The following ATXN10 variants were observed in gnomAD, a reference collection of about 807,000 sequenced individuals.
ATXN10 encodes the protein ataxin-10.
In ATXN10, 28 loss-of-function variants were observed where a neutral mutation model predicts 52.9. The ratio of observed to expected loss-of-function variants is 0.53; its 90% CI spans 0.39 to 0.73. The LOEUF is 0.73. Ranked by LOEUF, ATXN10 falls within the 30% of genes least tolerant of loss-of-function variation. The pLI is 0.00. For missense variants in ATXN10, 565 were observed against 577.0 expected (o/e 0.98, Z 0.21); for synonymous variants, 226 against 221.5 (o/e 1.02, Z -0.18).
intron 3 of ATXN10, among the ~76,000 whole-genome samples, chr22:45,698,428 T>G (rs2146749447): frequency 6.6e-6 from 1 of 152,344 alleles, no homozygotes; most frequent in South Asian, 2.1e-4. Context: ...GAAATGTCTA[T>G]TTGAGTCCTT....
At chr22:45,765,330 C>G (rs1190977695) in intron 9 of ATXN10, among the ~76,000 whole-genome samples, 2 of 152,118 alleles carry the variant, frequency 1.3e-5, no homozygotes, top group African/African-American at 4.8e-5. Context: ...AAGAGGGAGA[C>G]AGTACTAGGG....
chr22:45,674,889 G>A (rs1922621172), intron 1 of ATXN10: 1 of 152,328 alleles, frequency 6.6e-6, no homozygotes, highest in Non-Finnish European at 1.5e-5. Context: ...ACAAACTTCT[G>A]TCAGTGGTAG....
chr22:45,743,926 C>G (rs2146807036), intron 9 of ATXN10, among the ~76,000 whole-genome samples: 1 of 152,152 alleles, frequency 6.6e-6, no homozygotes, highest in Non-Finnish European at 1.5e-5. Flanking sequence ...TGAGAACTTG[C>G]CAAAAGGTTG....
chr22:45,716,858 G>C (rs762955039), intron 5 of ATXN10, among the ~76,000 whole-genome samples: 28 of 152,144 alleles, frequency 1.8e-4, no homozygotes, highest in Non-Finnish European at 3.4e-4. Flanking sequence ...AAAAGAAAGA[G>C]AGCACTAATT....
chr22:45,815,698 G>C (rs1482834280), intron 10 of ATXN10, among the ~76,000 whole-genome samples: 2 of 150,744 alleles, frequency 1.3e-5, no homozygotes, highest in East Asian at 2.0e-4. Context: ...TAAAGCTCTT[G>C]AGAGTTAAAG....
chr22:45,672,194 CG>C lies in ATXN10; in HGVS notation c.116+21del, dbSNP rs745800911. ...CAGCGGAACCGGTAACGGGTCCGGCCGGGGGGCTGCCCCGGGCAGGGGAGGG... is the reference window on the plus strand; with the variant it reads ...CAGCGGAACCGGTAACGGGTCCGGCCGGGGGCTGCCCCGGGCAGGGGAGGG... On this transcript the variant is annotated intron_variant, in intron 1 of 11. Transcript: ENST00000252934. 6.6e-6 allele frequency: 10 copies of C among 1,523,226 alleles called. No homozygotes were observed. Among genetic ancestry groups the C allele is most frequent in the African/African-American group, 4.2e-5 (3 of 71,274 alleles). 94.4% of individuals were successfully genotyped at this position (1,523,226 alleles called of 1,614,324 possible). A position where few individuals can be genotyped will look rare whatever the true frequency, so the allele number is the denominator to read the frequency against.
At chr22:45,803,542 G>C (rs1480206588) in intron 9 of ATXN10, among the ~76,000 whole-genome samples, 3 of 152,132 alleles carry the variant, frequency 2.0e-5, no homozygotes, top group Admixed American at 6.6e-5. Context: ...GTTCCAGAAG[G>C]GTTTGGATCA....
rs1398861511 is a variant in ATXN10 at position 45,705,135 on chromosome 22, C to T, written c.647+2288C>T. Among the ~76,000 whole-genome samples the T allele has an allele frequency of 2.0e-5, 3 of 151,832 alleles. No individual in the cohort carries two copies. Among genetic ancestry groups the T allele is most frequent in the Admixed American group, 2.0e-4 (3 of 15,260 alleles). On this transcript the variant is annotated intron_variant, in intron 5 of 11. Coordinates refer to ENST00000252934, the MANE Select transcript of ATXN10 (RefSeq NM_013236.4). The surrounding 1 kb of genome is among the most constrained non-coding windows in gnomAD (Gnocchi z 5.2). ...TCCTACTTGTTCATAGTGTATAATC[C>T]TTTTTATATGTTGCTGGATTCGGTT...
In ATXN10 at chr22:45,767,714, A is replaced by G. The variant is rs961339972; in HGVS notation, c.1173+27176A>G. Among the ~76,000 whole-genome samples the G allele has an allele frequency of 1.3e-4, 20 of 152,336 alleles. 2 individuals carry two copies. Among genetic ancestry groups the G allele is most frequent in the Admixed American group, 1.0e-3 (16 of 15,306 alleles). On this transcript the variant is annotated intron_variant, in intron 9 of 11. Transcript: ENST00000252934. ...AGGGAGAGGGTTGGAGGAAGGAAGAAGGAGAAAAGGAAGGAAGGAATCTAT... is the reference window on the plus strand; with the variant it reads ...AGGGAGAGGGTTGGAGGAAGGAAGAGGGAGAAAAGGAAGGAAGGAATCTAT...
intron 7 of ATXN10, 74 bp from the exon 8 acceptor site, chr22:45,738,657 C>A: frequency 1.7e-6 from 2 of 1,207,370 alleles, no homozygotes; most frequent in South Asian, 2.5e-5. Flanking sequence ...ATTTTATTCT[C>A]TTACAGTTAT....
rs1928876816 is a variant in ATXN10, at chr22:45,828,181, T to A, written c.1238-14810T>A. Among the ~76,000 whole-genome samples the A allele has an allele frequency of 6.7e-6, 1 of 150,106 alleles. No individual in the cohort carries two copies. Among genetic ancestry groups the A allele is most frequent in the Non-Finnish European group, 1.5e-5 (1 of 67,742 alleles). The stretch of plus-strand genomic sequence containing the variant: ...GCCTGGGCAACATGGTGAAGCCCCA[T>A]CTCTATTAAAAACTTTAAAAAAGAA... On this transcript the variant is annotated intron_variant, in intron 10 of 11. Transcript: ENST00000252934. This position sits in a 1 kb window ranked among gnomAD's most constrained non-coding sequence, Gnocchi z 4.5.
intron 9 of ATXN10, among the ~76,000 whole-genome samples, chr22:45,777,822 G>C (rs975848749): frequency 2.0e-5 from 3 of 152,238 alleles, no homozygotes; most frequent in African/African-American, 7.2e-5. Flanking sequence ...TTGAGATTCT[G>C]CTTTATAGCC....
At position 45,837,961 on chromosome 22, in the gene ATXN10, A is replaced by G. The variant is rs1017162244; in HGVS notation, c.1238-5030A>G. 3.3e-5 allele frequency among the ~76,000 whole-genome samples: 5 copies of G among 152,250 alleles called. No individual in the cohort carries two copies. The highest frequency in any genetic ancestry group is 5.9e-5 in the Non-Finnish European group (4 of 68,044). On this transcript the variant is annotated intron_variant, in intron 10 of 11. Transcript: ENST00000252934. This position sits in a 1 kb window ranked among gnomAD's most constrained non-coding sequence, Gnocchi z 5.8. ...ACACCGACAGAGCAGTGACCAGAACAGAGTTCCTGTCGCCCTGGAGTCTAC... is the reference window on the plus strand; with the variant it reads ...ACACCGACAGAGCAGTGACCAGAACGGAGTTCCTGTCGCCCTGGAGTCTAC...
rs1463079161 is a variant in ATXN10 at position 45,684,980 on chromosome 22, T to C, written c.117-4732T>C. ...TTTAATAGTTTTTCTCACTGGCAGT[T>C]GTTAAACTACTCTAAACCACATATG... On this transcript the variant is annotated intron_variant, in intron 1 of 11. Transcript: ENST00000252934. The surrounding 1 kb of genome is among the most constrained non-coding windows in gnomAD (Gnocchi z 4.1). Among the ~76,000 whole-genome samples the C allele has an allele frequency of 7.9e-5, 12 of 152,254 alleles. No individual in the cohort carries two copies.
Position 45,705,026 on chromosome 22 carries a change from A to T in ATXN10, c.647+2179A>T, listed in dbSNP as rs940552060. 2.0e-5 allele frequency among the ~76,000 whole-genome samples: 3 copies of T among 152,228 alleles called. No individual in the cohort carries two copies. Among genetic ancestry groups the T allele is most frequent in the Non-Finnish European group, 4.4e-5 (3 of 68,042 alleles). On this transcript the variant is annotated intron_variant, in intron 5 of 11. Coordinates refer to ENST00000252934, the MANE Select transcript of ATXN10 (RefSeq NM_013236.4). The surrounding 1 kb of genome is among the most constrained non-coding windows in gnomAD (Gnocchi z 5.2). ...ATATTTTGTGTCTGTTGAGATAGTC[A>T]TATGGCTTTGTCTTTTAGTCTATTA...
chr22:45,767,686 AAAAG>A (rs1356631796), intron 9 of ATXN10, among the ~76,000 whole-genome samples: 2 of 152,202 alleles, frequency 1.3e-5, no homozygotes, highest in Admixed American at 6.5e-5. Context: ...AGAAAGAAAA[AAAAG>A]GGAGAGGGTT....
intron 9 of ATXN10, chr22:45,793,877 G>T: frequency 7.9e-7 from 1 of 1,272,620 alleles, no homozygotes; most frequent in South Asian, 3.2e-5. Context: ...AACTTTGATT[G>T]AAGCAGCAGT....
In ATXN10 at chr22:45,781,486, C is replaced by G. The variant is rs145960186; in HGVS notation, c.1174-25473C>G. The stretch of plus-strand genomic sequence containing the variant: ...CTGCCTTCCACGTGCTGTTGTTGAA[C>G]GAGCTCTGCTAAAATAGGAGACTTA... On this transcript the variant is annotated intron_variant, in intron 9 of 11. Coordinates refer to ENST00000252934, the MANE Select transcript of ATXN10 (RefSeq NM_013236.4). The surrounding 1 kb of genome is among the most constrained non-coding windows in gnomAD (Gnocchi z 4.2). Among the ~76,000 whole-genome samples the G allele has an allele frequency of 4.3e-4, 66 of 152,314 alleles. 2 individuals carry two copies. The South Asian group carries it at 5.2e-3, about 12-fold the overall frequency.
intron 5 of ATXN10, 49 bp downstream of exon 5, chr22:45,702,896 C>A: frequency 6.2e-7 from 1 of 1,608,672 alleles, no homozygotes; most frequent in Non-Finnish European, 8.5e-7. Flanking sequence ...CCTGACAGAT[C>A]ACTTTCCTTG....
Sources: allele counts gnomAD v4.1 joint callset (sites outside exome capture counted in the v4.1 genomes callset), GRCh38; gene constraint gnomAD v4.1.1; non-coding constraint Gnocchi (gnomAD v3.1); transcripts MANE v1.5; gene names NCBI Gene and HGNC (gene_info 2026-07-23, HGNC 2026-07-21).